AGBL4: variants seen among roughly 807,000 people sequenced by gnomAD.
AGBL4 encodes the protein AGBL carboxypeptidase 4.
A neutral mutation model predicts 66.4 loss-of-function variants in AGBL4; 58 were observed. That is an observed-to-expected ratio of 0.87 (90% CI 0.71 to 1.09). The LOEUF (loss-of-function observed/expected upper bound fraction) is 1.09. Ranked by LOEUF, AGBL4 falls within the 50% of genes least tolerant of loss-of-function variation. AGBL4 has a pLI of 0.00. For synonymous variants in AGBL4, 234 were observed against 222.9 expected (o/e 1.05, Z -0.44); for missense variants, 579 against 631.0 (o/e 0.92, Z 0.88).
At chr1:48,641,945 A>G (rs1645762644) in intron 8 of AGBL4, among the ~76,000 whole-genome samples, 1 of 152,076 alleles carries the variant, frequency 6.6e-6, no homozygotes, top group Non-Finnish European at 1.5e-5. Flanking sequence ...CAAATGAGGG[A>G]CTAACATGAA....
intron 6 of AGBL4, among the ~76,000 whole-genome samples, chr1:48,679,617 G>C (rs544317664): frequency 2.0e-5 from 3 of 152,306 alleles, no homozygotes; most frequent in Admixed American, 6.5e-5. Flanking sequence ...ATTTCACAGA[G>C]CAAGAGACTG....
chr1:48,603,306 C>A (rs1410997092), intron 9 of AGBL4, among the ~76,000 whole-genome samples: 5 of 152,012 alleles, frequency 3.3e-5, no homozygotes, highest in Non-Finnish European at 5.9e-5. Context: ...CCTGGCTCTA[C>A]TAAAAATACA....
intron 1 of AGBL4, among the ~76,000 whole-genome samples, chr1:49,861,931 G>T (rs1357228605): frequency 6.6e-6 from 1 of 152,128 alleles, no homozygotes; most frequent in Admixed American, 6.5e-5. Flanking sequence ...CTATAAACAA[G>T]CCCAGAAACT....
At chr1:49,052,354 C>T (rs1384621103) in intron 4 of AGBL4, among the ~76,000 whole-genome samples, 1 of 152,132 alleles carries the variant, frequency 6.6e-6, no homozygotes, top group African/African-American at 2.4e-5. Flanking sequence ...AAATCACATA[C>T]TCTATCTTCT....
chr1:49,379,399 A>T (rs907450109), intron 3 of AGBL4, among the ~76,000 whole-genome samples: 2 of 152,094 alleles, frequency 1.3e-5, no homozygotes, highest in South Asian at 2.1e-4. Context: ...ACAGAATGGG[A>T]ATCCATGCCC....
intron 6 of AGBL4, among the ~76,000 whole-genome samples, chr1:48,696,718 C>T (rs1570280652): frequency 6.6e-6 from 1 of 152,158 alleles, no homozygotes; most frequent in East Asian, 1.9e-4. Flanking sequence ...GGAGATCAGG[C>T]ATCACCGGAG....
chr1:49,742,285 T>G (rs2124753071), intron 2 of AGBL4, among the ~76,000 whole-genome samples: 1 of 151,276 alleles, frequency 6.6e-6, no homozygotes, highest in Middle Eastern at 3.4e-3. Flanking sequence ...AAATCATGAG[T>G]GAACTCCCAT....
intron 3 of AGBL4, among the ~76,000 whole-genome samples, chr1:49,530,765 C>T (rs1651076928): frequency 1.3e-5 from 2 of 151,938 alleles, no homozygotes; most frequent in Admixed American, 6.6e-5. Context: ...AATTACTCTA[C>T]CATTTATTAT....
At chr1:49,146,457 A>G (rs1253769475) in intron 4 of AGBL4, among the ~76,000 whole-genome samples, 4 of 152,208 alleles carry the variant, frequency 2.6e-5, no homozygotes, top group African/African-American at 9.6e-5. Context: ...ATTGTGGGGG[A>G]TCACAGAATC....
At chr1:48,883,315 G>C (rs1649970883) in intron 5 of AGBL4, among the ~76,000 whole-genome samples, 1 of 152,110 alleles carries the variant, frequency 6.6e-6, no homozygotes, top group Non-Finnish European at 1.5e-5. Flanking sequence ...CATTCTAACA[G>C]GTGTCAGGTG....
At chr1:48,960,259 C>G (rs1037681987) in intron 5 of AGBL4, among the ~76,000 whole-genome samples, 1 of 152,040 alleles carries the variant, frequency 6.6e-6, no homozygotes, top group Non-Finnish European at 1.5e-5. Flanking sequence ...AAGATGATTT[C>G]AAAATTATTA....
At chr1:48,889,052 A>G (rs4642936) in intron 5 of AGBL4, among the ~76,000 whole-genome samples, 3 of 152,214 alleles carry the variant, frequency 2.0e-5, no homozygotes, top group African/African-American at 4.8e-5. Context: ...AAGGATCCAC[A>G]TGTAAAGTTC....
intron 4 of AGBL4, 54 bp downstream of exon 4, chr1:49,245,716 G>T: frequency 2.2e-6 from 3 of 1,344,446 alleles, no homozygotes; most frequent in South Asian, 1.3e-5. Flanking sequence ...ATATGTATGG[G>T]GTCTGGGACA....
chr1:48,976,990 A>AT (rs375903869), intron 5 of AGBL4, among the ~76,000 whole-genome samples: 80 of 150,480 alleles, frequency 5.3e-4, no homozygotes, highest in African/African-American at 1.5e-3. Flanking sequence ...GAACCCAGAG[A>AT]TTTTTTTTTT....
intron 3 of AGBL4, among the ~76,000 whole-genome samples, chr1:49,526,279 GA>G (rs142681029): frequency 1.3e-5 from 2 of 151,776 alleles, no homozygotes; most frequent in Non-Finnish European, 2.9e-5. Flanking sequence ...GATATAAAGA[GA>G]AAAAAACTAC....
chr1:49,865,401 CA>C (rs1646676418), intron 1 of AGBL4, among the ~76,000 whole-genome samples: 1 of 152,150 alleles, frequency 6.6e-6, no homozygotes, highest in Non-Finnish European at 1.5e-5. Flanking sequence ...AAGAAGCAGG[CA>C]GGCATTTTGC....
At chr1:49,534,342 C>A (rs2148817246) in intron 3 of AGBL4, among the ~76,000 whole-genome samples, 1 of 152,166 alleles carries the variant, frequency 6.6e-6, no homozygotes, top group East Asian at 1.9e-4. Context: ...AATATATCAA[C>A]CATTTATTCT....
At chr1:50,009,889 T>C (rs1661406243) in intron 1 of AGBL4, among the ~76,000 whole-genome samples, 1 of 152,080 alleles carries the variant, frequency 6.6e-6, no homozygotes, top group Non-Finnish European at 1.5e-5. Flanking sequence ...AAAAATTAAT[T>C]CCATTTACAA....
chr1:49,963,818 G>A (rs993635930), intron 1 of AGBL4, among the ~76,000 whole-genome samples: 1 of 152,026 alleles, frequency 6.6e-6, no homozygotes, highest in African/African-American at 2.4e-5. Context: ...TGCAGACTTT[G>A]TCATCTAGGT....
Sources: gnomAD v4.1 joint callset for allele counts (sites outside exome capture counted in the v4.1 genomes callset) on GRCh38, gnomAD v4.1.1 for gene constraint, MANE v1.5 for transcripts, NCBI Gene and HGNC (gene_info 2026-07-23, HGNC 2026-07-21) for gene names.